The following KCNH1 variants were observed in gnomAD, a reference collection of about 807,000 sequenced individuals.
KCNH1 encodes the protein voltage-gated delayed rectifier potassium channel KCNH1.
Under a neutral mutation model 69.2 loss-of-function variants are expected in KCNH1, and 27 were observed. That is an observed-to-expected ratio of 0.39 (90% CI 0.29 to 0.54). KCNH1 has a LOEUF of 0.54. Among genes scored for constraint, KCNH1 ranks in the 20% least tolerant of loss-of-function variants. The pLI, the probability that KCNH1 is intolerant of heterozygous loss-of-function variation, is 0.68. For missense variants in KCNH1, 798 were observed against 1,261.6 expected (o/e 0.63, Z 5.57); for synonymous variants, 456 against 487.7 (o/e 0.93, Z 0.86).
intron 7 of KCNH1, among the ~76,000 whole-genome samples, chr1:210,844,764 C>T (rs1365152608): frequency 6.6e-6 from 1 of 152,066 alleles, no homozygotes; most frequent in Non-Finnish European, 1.5e-5. Context: ...ACAAAAAACC[C>T]TTCAAAAAAT....
At chr1:210,832,209 A>G (rs1437427326) in intron 7 of KCNH1, among the ~76,000 whole-genome samples, 3 of 152,200 alleles carry the variant, frequency 2.0e-5, no homozygotes. Flanking sequence ...ATAATGTACT[A>G]AAACAGAGAA....
At chr1:211,064,226 T>C (rs1391258899) in intron 5 of KCNH1, among the ~76,000 whole-genome samples, 1 of 152,200 alleles carries the variant, frequency 6.6e-6, no homozygotes, top group Non-Finnish European at 1.5e-5. Flanking sequence ...CAAATGCTCT[T>C]AGGAAAATAT....
At chr1:210,684,164 C>T (rs377511805) in intron 10 of KCNH1, 26 bp from the exon 11 acceptor site, 23 of 1,493,166 alleles carry the variant, frequency 1.5e-5, no homozygotes, top group Non-Finnish European at 1.8e-5. Flanking sequence ...GAGAGAATGA[C>T]ATGGCGTGTT....
chr1:210,907,455 A>T (rs1386489451), intron 7 of KCNH1, among the ~76,000 whole-genome samples: 1 of 152,130 alleles, frequency 6.6e-6, no homozygotes, highest in Non-Finnish European at 1.5e-5. Context: ...GAGGAGAAGG[A>T]AAGGGAGAAT....
chr1:210,792,225 C>T (rs1574258834), intron 9 of KCNH1, among the ~76,000 whole-genome samples: 1 of 152,272 alleles, frequency 6.6e-6, no homozygotes. Flanking sequence ...TATTCAGGGG[C>T]TCACCATTTT....
chr1:210,868,327 A>G (rs1686160352), intron 7 of KCNH1, among the ~76,000 whole-genome samples: 1 of 151,912 alleles, frequency 6.6e-6, no homozygotes, highest in Non-Finnish European at 1.5e-5. Flanking sequence ...TTTTTAATAC[A>G]TTCTGGATTC....
intron 7 of KCNH1, chr1:210,859,577 C>G: frequency 6.5e-7 from 1 of 1,547,508 alleles, no homozygotes; most frequent in Non-Finnish European, 8.9e-7. Flanking sequence ...ATATCATCTT[C>G]ATCACTCCCC....
chr1:210,976,431 A>T (rs1688611826), intron 6 of KCNH1, among the ~76,000 whole-genome samples: 1 of 149,404 alleles, frequency 6.7e-6, no homozygotes, highest in Non-Finnish European at 1.5e-5. Flanking sequence ...TGGAATGGCG[A>T]TTATTAAAAA....
chr1:210,810,395 G>A (rs1684678048), intron 7 of KCNH1, among the ~76,000 whole-genome samples: 1 of 152,032 alleles, frequency 6.6e-6, no homozygotes, highest in Non-Finnish European at 1.5e-5. Context: ...CATCCATTGT[G>A]CTAAACCCTT....
intron 6 of KCNH1, among the ~76,000 whole-genome samples, chr1:210,997,200 G>A (rs906803972): frequency 3.0e-4 from 46 of 152,186 alleles, no homozygotes; most frequent in Admixed American, 2.9e-3. Context: ...GGCTTCAGAC[G>A]ATCAAACTAC....
At chr1:210,717,407 T>C (rs1209099014) in intron 10 of KCNH1, among the ~76,000 whole-genome samples, 1 of 152,184 alleles carries the variant, frequency 6.6e-6, no homozygotes, top group East Asian at 1.9e-4. Flanking sequence ...CTCTCAGGGA[T>C]TCAGCTTTTG....
At chr1:210,909,372 T>C (rs1327009015) in intron 7 of KCNH1, among the ~76,000 whole-genome samples, 1 of 152,140 alleles carries the variant, frequency 6.6e-6, no homozygotes, top group Non-Finnish European at 1.5e-5. Flanking sequence ...TGTGGAACCA[T>C]TCATCCACAT....
chr1:211,038,060 C>T (rs1296469160), intron 5 of KCNH1, among the ~76,000 whole-genome samples: 3 of 150,526 alleles, frequency 2.0e-5, no homozygotes, highest in South Asian at 2.1e-4. Flanking sequence ...CCCAGGTTCA[C>T]GCCATTCTCC....
intron 5 of KCNH1, among the ~76,000 whole-genome samples, chr1:211,081,100 A>T (rs970375182): frequency 2.6e-5 from 4 of 152,200 alleles, no homozygotes; most frequent in East Asian, 1.9e-4. Flanking sequence ...GAATCTACAA[A>T]GAACTCAAAC....
intron 9 of KCNH1, among the ~76,000 whole-genome samples, chr1:210,793,916 C>G (rs1684257941): frequency 6.6e-6 from 1 of 152,144 alleles, no homozygotes; most frequent in African/African-American, 2.4e-5. Flanking sequence ...ACTGTCAGCC[C>G]CCTCCACTTA....
At chr1:211,007,872 C>G (rs1689314623) in intron 6 of KCNH1, among the ~76,000 whole-genome samples, 2 of 152,058 alleles carry the variant, frequency 1.3e-5, no homozygotes, top group South Asian at 4.1e-4. Context: ...CTACTCTCAT[C>G]CATTAAGATG....
intron 6 of KCNH1, among the ~76,000 whole-genome samples, chr1:210,940,801 G>A (rs1440317819): frequency 6.6e-6 from 1 of 152,138 alleles, no homozygotes; most frequent in African/African-American, 2.4e-5. Flanking sequence ...CAAATTTCAG[G>A]TTTTCTTCTC....
intron 1 of KCNH1, among the ~76,000 whole-genome samples, chr1:211,123,328 T>A (rs1571665661): frequency 6.6e-6 from 1 of 151,948 alleles, no homozygotes; most frequent in Non-Finnish European, 1.5e-5. Flanking sequence ...ATCTGTAGAG[T>A]TGAGCAGGTA....
intron 7 of KCNH1, among the ~76,000 whole-genome samples, chr1:210,876,724 T>C (rs528010254): frequency 6.6e-6 from 1 of 152,208 alleles, no homozygotes; most frequent in Non-Finnish European, 1.5e-5. Flanking sequence ...CAATCCCTGT[T>C]CCTTCAAGGA....
Sources: allele counts gnomAD v4.1 joint callset (sites outside exome capture counted in the v4.1 genomes callset), GRCh38; gene constraint gnomAD v4.1.1; transcripts MANE v1.5; gene names NCBI Gene and HGNC (gene_info 2026-07-23, HGNC 2026-07-21).